UNC5C: variants seen among roughly 807,000 people sequenced by gnomAD.
UNC5C encodes the protein unc-5 netrin receptor C.
UNC5C carries 47 observed loss-of-function variants against 99.8 expected under a neutral mutation model. The ratio of observed to expected loss-of-function variants is 0.47; its 90% CI spans 0.37 to 0.60. The LOEUF is 0.60. UNC5C is among the 20% of genes least tolerant of loss of function. The pLI is 0.00. For missense variants in UNC5C, 1,062 were observed against 1,165.9 expected (o/e 0.91, Z 1.30); for synonymous variants, 487 against 452.2 (o/e 1.08, Z -0.98).
chr4:95,357,146 T>A (rs565496233), intron 1 of UNC5C, among the ~76,000 whole-genome samples: 5,813 of 148,564 alleles, frequency 0.039, 353 homozygotes, highest in African/African-American at 0.14. Flanking sequence ...TTTTTTTTTT[T>A]ATTTAAAGAC....
At chr4:95,181,743 G>T (rs928373126) in intron 14 of UNC5C, among the ~76,000 whole-genome samples, 44 of 152,154 alleles carry the variant, frequency 2.9e-4, no homozygotes, top group African/African-American at 1.0e-3. Context: ...AGGAGGAAAT[G>T]ATGACCGCAC....
chr4:95,455,743 T>G (rs1747408164), intron 1 of UNC5C, among the ~76,000 whole-genome samples: 2 of 152,134 alleles, frequency 1.3e-5, no homozygotes. Context: ...AGAAAATGCT[T>G]TCATCATACA....
intron 10 of UNC5C, among the ~76,000 whole-genome samples, chr4:95,209,483 T>G (rs1436012415): frequency 6.6e-6 from 1 of 152,234 alleles, no homozygotes; most frequent in Admixed American, 6.5e-5. Flanking sequence ...CTTTTCTTTC[T>G]TCCTATTTAG....
chr4:95,245,865 T>C (rs1739485722), intron 5 of UNC5C, among the ~76,000 whole-genome samples: 2 of 152,356 alleles, frequency 1.3e-5, no homozygotes, highest in South Asian at 2.1e-4. Flanking sequence ...TACTTTGATA[T>C]ATATTTTTAA....
At chr4:95,240,392 G>A (rs1407785374) in intron 7 of UNC5C, among the ~76,000 whole-genome samples, 1 of 152,164 alleles carries the variant, frequency 6.6e-6, no homozygotes, top group Non-Finnish European at 1.5e-5. Flanking sequence ...ATTACACAGT[G>A]CAGAATATCT....
intron 4 of UNC5C, among the ~76,000 whole-genome samples, chr4:95,258,746 C>CTTTTTTTTTT (rs775570031): frequency 1.4e-4 from 11 of 76,042 alleles, no homozygotes; most frequent in Admixed American, 3.0e-4. Flanking sequence ...CCATCTTATT[C>CTTTTTTTTTT]TTTTTTTTTT....
intron 1 of UNC5C, among the ~76,000 whole-genome samples, chr4:95,399,082 G>C (rs575215558): frequency 2.6e-5 from 4 of 152,106 alleles, no homozygotes; most frequent in South Asian, 4.2e-4. Flanking sequence ...ATATCACATA[G>C]GTCTTCCTAA....
chr4:95,328,978 G>A (rs916551639), intron 2 of UNC5C, among the ~76,000 whole-genome samples: 25 of 152,122 alleles, frequency 1.6e-4, no homozygotes, highest in African/African-American at 6.0e-4. Context: ...GGCTTAAAGA[G>A]TAAATGAGCC....
intron 4 of UNC5C, among the ~76,000 whole-genome samples, chr4:95,269,292 G>C (rs578001520): frequency 6.6e-6 from 1 of 152,122 alleles, no homozygotes; most frequent in East Asian, 1.9e-4. Flanking sequence ...GGTTTTGTTT[G>C]TTTGTTTGTT....
intron 1 of UNC5C, among the ~76,000 whole-genome samples, chr4:95,422,931 A>G (rs1480780023): frequency 2.0e-5 from 3 of 152,218 alleles, no homozygotes; most frequent in African/African-American, 7.2e-5. Context: ...GGCATAGCAC[A>G]TATAATACAA....
At chr4:95,203,428 T>G (rs1274278911) in intron 11 of UNC5C, among the ~76,000 whole-genome samples, 4 of 152,150 alleles carry the variant, frequency 2.6e-5, no homozygotes, top group South Asian at 2.1e-4. Context: ...TGTTACTTTT[T>G]TTGTTGTTGT....
In UNC5C at chr4:95,333,208, A is replaced by G. The variant is rs539365156; in HGVS notation, c.346+2202T>C. Among the ~76,000 whole-genome samples, 24 of 152,298 alleles carry G rather than the reference A, an allele frequency of 1.6e-4. No homozygotes were observed. In the South Asian group the frequency reaches 3.1e-3, roughly 20 times the overall value. On this transcript the variant is annotated intron_variant, in intron 2 of 15. Coordinates refer to ENST00000453304, the MANE Select transcript of UNC5C (RefSeq NM_003728.4). ...ACTGGAAATACCATTTGACCCAGCC[A>G]TCCCATTACTGGGTATATACCCAAA...
intron 1 of UNC5C, among the ~76,000 whole-genome samples, chr4:95,483,510 T>C (rs1285377934): frequency 6.6e-6 from 1 of 151,852 alleles, no homozygotes; most frequent in African/African-American, 2.4e-5. Context: ...GGCATTCTGA[T>C]AAGCTTTTCT....
At chr4:95,277,104 G>A (rs2149393648) in intron 4 of UNC5C, among the ~76,000 whole-genome samples, 1 of 151,724 alleles carries the variant, frequency 6.6e-6, no homozygotes, top group Non-Finnish European at 1.5e-5. Context: ...AAAATAGTAA[G>A]TACATTATTA....
intron 1 of UNC5C, among the ~76,000 whole-genome samples, chr4:95,422,472 T>C (rs534405242): frequency 6.6e-6 from 1 of 152,304 alleles, no homozygotes; most frequent in South Asian, 2.1e-4. Flanking sequence ...TCTTTTTTTC[T>C]CTTTGAGACA....
intron 14 of UNC5C, among the ~76,000 whole-genome samples, chr4:95,180,276 A>C (rs1387490549): frequency 6.6e-6 from 1 of 152,224 alleles, no homozygotes; most frequent in Non-Finnish European, 1.5e-5. Flanking sequence ...CTACTTGGGA[A>C]TTTCCCATGA....
chr4:95,357,892 G>A (rs78144645), intron 1 of UNC5C, among the ~76,000 whole-genome samples: 5,034 of 152,268 alleles, frequency 0.033, 118 homozygotes, highest in South Asian at 0.052. Context: ...GTGTGTGTGT[G>A]TGAATCACAT....
In UNC5C at chr4:95,429,294, A is replaced by C. The variant is rs201944891; in HGVS notation, c.125-93663T>G. On this transcript the variant is annotated intron_variant, in intron 1 of 15. Coordinates refer to ENST00000453304, the MANE Select transcript of UNC5C (RefSeq NM_003728.4). The stretch of plus-strand genomic sequence containing the variant: ...TTAGTGATTCTTAAAAAAAAAAAAA[A>C]AAACAAACAAAAAAAACAAGCCAAC... 4.5e-3 allele frequency among the ~76,000 whole-genome samples: 676 copies of C among 149,392 alleles called. 3 individuals carry two copies. The highest frequency in any genetic ancestry group is 0.016 in the Admixed American group (235 of 14,872).
intron 1 of UNC5C, among the ~76,000 whole-genome samples, chr4:95,340,202 T>A (rs1243444033): frequency 6.6e-6 from 1 of 152,114 alleles, no homozygotes; most frequent in Non-Finnish European, 1.5e-5. Context: ...TTGCTAAATA[T>A]CAAGCCTTAA....
Sources: gnomAD v4.1 joint callset for allele counts (sites outside exome capture counted in the v4.1 genomes callset) on GRCh38, gnomAD v4.1.1 for gene constraint, MANE v1.5 for transcripts, NCBI Gene and HGNC (gene_info 2026-07-23, HGNC 2026-07-21) for gene names.